Variants in TENM3 observed in about 807,000 individuals in gnomAD.
The protein encoded by TENM3 is teneurin-3.
In TENM3, 63 loss-of-function variants were observed where a neutral mutation model predicts 255.1. The observed-to-expected ratio is 0.25, with a 90% confidence interval of 0.20 to 0.30. The LOEUF is 0.30. TENM3 is among the 10% of genes least tolerant of loss of function. The pLI, the probability that TENM3 is intolerant of heterozygous loss-of-function variation, is 1.00. For synonymous variants in TENM3, 1,306 were observed against 1,322.3 expected (o/e 0.99, Z 0.27); for missense variants, 2,929 against 3,461.1 (o/e 0.85, Z 3.86).
intron 13 of TENM3, among the ~76,000 whole-genome samples, chr4:182,724,697 C>T (rs973362256): frequency 1.3e-5 from 2 of 152,186 alleles, no homozygotes; most frequent in Admixed American, 1.3e-4. Context: ...ACTGTACCAT[C>T]TATTGCCTAA....
intron 22 of TENM3, among the ~76,000 whole-genome samples, chr4:182,765,908 A>G (rs1295715453): frequency 6.6e-6 from 1 of 152,176 alleles, no homozygotes; most frequent in African/African-American, 2.4e-5. Context: ...AAAGTTACCA[A>G]ATTTCCTCTG....
At chr4:181,745,312 A>G in the TENM3 span, among the ~76,000 whole-genome samples, 1 of 152,176 alleles carries the variant, frequency 6.6e-6, no homozygotes, top group Non-Finnish European at 1.5e-5. Context: ...GCCCAAGAGA[A>G]TAGAGGAGAG....
chr4:181,578,082 CCCTGGAAGTGG>C, the TENM3 span, among the ~76,000 whole-genome samples: 1,631 of 152,262 alleles, frequency 0.011, 7 homozygotes, highest in South Asian at 0.049. Context: ...CCCTCCAGCT[CCCTGGAAGTGG>C]CTGGATCAGG....
At chr4:182,012,137 T>C in the TENM3 span, among the ~76,000 whole-genome samples, 19 of 152,170 alleles carry the variant, frequency 1.2e-4, no homozygotes, top group Non-Finnish European at 1.6e-4. Context: ...CTCCACTGTG[T>C]CCTGTCTGAA....
chr4:182,173,260 A>G (rs1405915890), intron 1 of TENM3, among the ~76,000 whole-genome samples: 3 of 152,204 alleles, frequency 2.0e-5, no homozygotes, highest in African/African-American at 7.2e-5. Context: ...AGTGATCAAG[A>G]CAGACCTTGG....
the TENM3 span, among the ~76,000 whole-genome samples, chr4:181,900,922 C>T: frequency 6.6e-6 from 1 of 152,152 alleles, no homozygotes; most frequent in Non-Finnish European, 1.5e-5. Context: ...TTTTTGTGCA[C>T]CTGCCCACAT....
At chr4:181,715,617 T>G in the TENM3 span, among the ~76,000 whole-genome samples, 1 of 152,216 alleles carries the variant, frequency 6.6e-6, no homozygotes, top group Non-Finnish European at 1.5e-5. Flanking sequence ...AAATGCTGTT[T>G]TATCTGTATT....
At chr4:181,931,205 G>A in the TENM3 span, among the ~76,000 whole-genome samples, 1 of 152,140 alleles carries the variant, frequency 6.6e-6, no homozygotes, top group African/African-American at 2.4e-5. Context: ...GTATTCAATA[G>A]GAAGAGAGAA....
Position 182,688,240 on chromosome 4 carries a change from G to A in TENM3, c.2110G>A (p.Gly704Ser). The change falls in exon 12 of 28, where the codon GGC becomes AGC. Residue 704 changes from glycine to serine, a missense_variant. Around this residue, in one of 6 missense-constraint regions of TENM3, gnomAD observed 1,608 missense variants for 1,884.4 expected, o/e 0.85. Transcript: ENST00000511685. ...GTGTCGCTGTGAAGAAGGCTGGACG[G>A]GCCCAGCCTGTAATCAGAGAGCCTG... Reference protein sequence around the residue: ...GTCRCEEGWTGPACNQRACHP... With the variant: ...GTCRCEEGWTSPACNQRACHP... The A allele has an allele frequency of 6.2e-7, 1 of 1,613,898 alleles. No individual in the cohort carries two copies. Among genetic ancestry groups the A allele is most frequent in the Non-Finnish European group, 8.5e-7 (1 of 1,179,832 alleles).
intron 4 of TENM3, among the ~76,000 whole-genome samples, chr4:182,611,026 C>T (rs967150415): frequency 1.3e-5 from 2 of 151,842 alleles, no homozygotes; most frequent in African/African-American, 4.8e-5. Flanking sequence ...TGATTATAGG[C>T]ATGAGCCATC....
chr4:182,731,640 A>G (rs1407154209), intron 16 of TENM3, among the ~76,000 whole-genome samples: 1 of 151,878 alleles, frequency 6.6e-6, no homozygotes, highest in Non-Finnish European at 1.5e-5. Flanking sequence ...GGATTATAGA[A>G]TTCCAGTGCT....
At chr4:181,827,993 A>C in the TENM3 span, among the ~76,000 whole-genome samples, 2 of 152,134 alleles carry the variant, frequency 1.3e-5, no homozygotes, top group African/African-American at 4.8e-5. Context: ...TTCCGTATTC[A>C]TGTCCCCAGC....
intron 5 of TENM3, among the ~76,000 whole-genome samples, chr4:182,636,716 C>CAA (rs58957542): frequency 8.1e-5 from 10 of 122,948 alleles, no homozygotes; most frequent in Admixed American, 1.8e-4. Context: ...GACTCTGTCT[C>CAA]AAAAAAAAAA....
At chr4:181,555,119 A>G in the TENM3 span, among the ~76,000 whole-genome samples, 1 of 152,224 alleles carries the variant, frequency 6.6e-6, no homozygotes, top group Non-Finnish European at 1.5e-5. Flanking sequence ...GAGTGCTAAC[A>G]TTTATTGAGT....
chr4:182,651,698 G>GAAAAAAAAA (rs560075723), intron 5 of TENM3, among the ~76,000 whole-genome samples: 8,015 of 145,452 alleles, frequency 0.055, 260 homozygotes, highest in East Asian at 0.099. Flanking sequence ...CTCCGTCTCA[G>GAAAAAAAAA]AAAAAAAAAA....
At chr4:182,350,057 T>C (rs1580249545) in intron 3 of TENM3, 1 of 157,994 alleles carries the variant, frequency 6.3e-6, no homozygotes, top group Non-Finnish European at 1.4e-5. Flanking sequence ...TTATTCAACA[T>C]TGTAAAATTA....
intron 5 of TENM3, among the ~76,000 whole-genome samples, chr4:182,637,097 A>G (rs1321084507): frequency 6.6e-6 from 1 of 152,198 alleles, no homozygotes; most frequent in Non-Finnish European, 1.5e-5. Context: ...CATAGAGAGG[A>G]GTGAAAGAAA....
the TENM3 span, among the ~76,000 whole-genome samples, chr4:181,575,388 T>C: frequency 0.011 from 1,665 of 152,290 alleles, 11 homozygotes; most frequent in South Asian, 0.056. Flanking sequence ...TACAATTCGA[T>C]GGTAATGTCA....
chr4:182,538,151 C>T (rs1740519305), intron 3 of TENM3, among the ~76,000 whole-genome samples: 2 of 152,090 alleles, frequency 1.3e-5, no homozygotes, highest in Admixed American at 1.3e-4. Flanking sequence ...ATTCAGGCAT[C>T]CGCACGTCTC....
Sources: allele counts gnomAD v4.1 joint callset (sites outside exome capture counted in the v4.1 genomes callset), GRCh38; gene constraint gnomAD v4.1.1; regional missense constraint gnomAD v4.1.1; transcripts MANE v1.5; gene names NCBI Gene and HGNC (gene_info 2026-07-23, HGNC 2026-07-21).